The following MKI67 variants were observed in gnomAD, a reference collection of about 807,000 sequenced individuals.
The protein encoded by MKI67 is marker of proliferation Ki-67.
A neutral mutation model predicts 233.5 loss-of-function variants in MKI67; 152 were observed. The ratio of observed to expected loss-of-function variants is 0.65; its 90% confidence interval spans 0.57 to 0.74. MKI67 has a LOEUF of 0.74. Among genes scored for constraint, MKI67 ranks in the 30% least tolerant of loss-of-function variants. The pLI, the probability that MKI67 is intolerant of heterozygous loss-of-function variation, is 0.00. For synonymous variants in MKI67, 1,465 were observed against 1,418.5 expected (o/e 1.03, Z -0.74); for missense variants, 3,940 against 3,885.2 (o/e 1.01, Z -0.37).
intron 4 of MKI67, 64 bp downstream of exon 4, chr10:128,122,817 T>G: frequency 1.3e-6 from 1 of 768,042 alleles, no homozygotes; most frequent in Non-Finnish European, 2.1e-6. Flanking sequence ...CAGTTGACTT[T>G]GACACTAGTT....
At chr10:128,100,033 G>A (rs1852302424) in intron 14 of MKI67, among the ~76,000 whole-genome samples, 2 of 152,230 alleles carry the variant, frequency 1.3e-5, no homozygotes, top group South Asian at 4.1e-4. Flanking sequence ...AATTCGGTAA[G>A]CGCCTGGAGC....
Position 128,105,118 on chromosome 10 carries a change from C to A in MKI67, c.6722G>T (p.Arg2241Ile). 1 of 1,613,768 alleles carries A rather than the reference C, an allele frequency of 6.2e-7. No individual in the cohort carries two copies. Among genetic ancestry groups the A allele is most frequent in the Non-Finnish European group, 8.5e-7 (1 of 1,179,972 alleles). The change falls in exon 13 of 15, where the codon AGA becomes ATA. Residue 2241 changes from arginine to isoleucine, a missense_variant. Coordinates refer to ENST00000368654, the MANE Select transcript of MKI67 (RefSeq NM_002417.5). ...TPTIFKPQSK[R>I]SLRKADVEEE... ...CTCTACGTCTGCTTTCCTGAGACTT[C>A]TCTTGGACTGTGGCTTGAAGATTGT...
chr10:128,118,216 T>C (rs1852846499), intron 5 of MKI67, among the ~76,000 whole-genome samples: 1 of 151,974 alleles, frequency 6.6e-6, no homozygotes. Flanking sequence ...GTCAATATGG[T>C]GAAACCCTGT....
chr10:128,116,536 C>G lies in MKI67; in HGVS notation c.355G>C (p.Glu119Gln). The G allele has an allele frequency of 6.2e-7, 1 of 1,613,778 alleles. No individual in the cohort carries two copies. The highest frequency in any genetic ancestry group is 8.5e-7 in the Non-Finnish European group (1 of 1,179,662). The change falls in exon 6 of 15, where the codon GAG (glutamate) becomes CAG (glutamine). Residue 119 changes from glutamate (E) to glutamine (Q), a missense_variant and splice_region_variant. By Grantham distance (29) the Glu-to-Gln change is conservative (BLOSUM62 2). Transcript: ENST00000368654. Reference protein sequence around the residue: ...TEFPRKIREQEPARRVSRSSF... With the variant: ...TEFPRKIREQQPARRVSRSSF... ...GATCTTGAGACACGACGTGCTGGCTCCTGTAAGTTGGGAAAATAAGAACAG... is the reference window on the plus strand; with the variant it reads ...GATCTTGAGACACGACGTGCTGGCTGCTGTAAGTTGGGAAAATAAGAACAG...
chr10:128,120,318 C>T (rs1341564447), intron 4 of MKI67, among the ~76,000 whole-genome samples: 2 of 152,016 alleles, frequency 1.3e-5, no homozygotes, highest in African/African-American at 2.4e-5. Context: ...TGGTGAAACG[C>T]CGTCTCTACT....
Position 128,104,379 on chromosome 10 carries a change from C to A in MKI67, c.7461G>T (p.Val2487=). ...GGGGCTCTTCTTTCATGTCCACTTT[C>A]ACCAGGGGTATCTTGAGCCTTTGCT... ...SSKQRLKIPL[V]KVDMKEEPLA... The change falls in exon 13 of 15, where the codon GTG becomes GTT. Residue 2487 remains valine, a synonymous_variant. Coordinates refer to ENST00000368654, the MANE Select transcript of MKI67 (RefSeq NM_002417.5). 1 of 1,614,164 alleles carries A rather than the reference C, an allele frequency of 6.2e-7. No individual in the cohort carries two copies.
chr10:128,108,212 G>A lies in MKI67; in HGVS notation c.3628C>T (p.Gln1210Ter). The A allele has an allele frequency of 1.2e-6, 2 of 1,612,154 alleles. No homozygotes were observed. ...LAGTLPGSKR[Q>*]LQTPKEKAQA... ...GCCTTTTCCTTAGGAGTCTGTAGCT[G>A]TCTTTTGCTGCCAGGTAAAGTTCCT... Residue 1210 changes from glutamine (Q) to a stop codon, truncating the protein, a stop_gained, in exon 13 of 15, where the codon CAG becomes TAG. Coordinates refer to ENST00000368654, the MANE Select transcript of MKI67 (RefSeq NM_002417.5). LOFTEE classifies it high-confidence loss of function.
Position 128,098,896 on chromosome 10 carries a change from G to A in MKI67, c.*294C>T, listed in dbSNP as rs1422224219. 2.1e-4 allele frequency: 52 copies of A among 251,940 alleles called. No homozygotes were observed. Among genetic ancestry groups the A allele is most frequent in the African/African-American group, 2.2e-5 (1 of 44,740 alleles). 15.6% of individuals were successfully genotyped at this position (251,940 alleles called of 1,614,324 possible). ...AGTGTCACAGTTAAGGCTGCTGTAG[G>A]GTGGCTGTGGGTGGTGACAGACCTC... is the stretch of plus-strand genomic sequence containing the variant. On this transcript the variant is annotated 3_prime_UTR_variant, in exon 15 of 15. Transcript: ENST00000368654.
At chr10:128,113,374 T>C in intron 8 of MKI67, 53 bp downstream of exon 8, 1 of 1,554,744 alleles carries the variant, frequency 6.4e-7, no homozygotes, top group Non-Finnish European at 8.9e-7. Context: ...AAGGAATAGG[T>C]ACCCGGTGTG....
rs1365474214 is a variant in MKI67, at chr10:128,107,412, T to C, written c.4428A>G (p.Thr1476=). ...DLAGLKELFQ[T]PVCTDKPTTH... ...TCGTGGGCTTGTCAGTGCATACTGGTGTCTGGAAGAGCTCTTTCAAGCCAG... is the reference window on the plus strand; with the variant it reads ...TCGTGGGCTTGTCAGTGCATACTGGCGTCTGGAAGAGCTCTTTCAAGCCAG... Residue 1476 remains threonine, a synonymous_variant, in exon 13 of 15, where the codon ACA becomes ACG. Coordinates refer to ENST00000368654, the MANE Select transcript of MKI67 (RefSeq NM_002417.5). 1 of 1,614,030 alleles carries C rather than the reference T, an allele frequency of 6.2e-7. No individual in the cohort carries two copies. The highest frequency in any genetic ancestry group is 1.1e-5 in the South Asian group (1 of 91,082).
At position 128,111,626 on chromosome 10, in the gene MKI67, T is replaced by C; in HGVS notation, c.2260+19A>G. The stretch of plus-strand genomic sequence containing the variant: ...CAGTAGAGTCAAAAGATTTATAAGA[T>C]CTAAGACTACGTTTTTACCTGAAAG... On this transcript the variant is annotated intron_variant, in intron 11 of 14. Coordinates refer to ENST00000368654, the MANE Select transcript of MKI67 (RefSeq NM_002417.5). The C allele has an allele frequency of 6.2e-7, 1 of 1,600,892 alleles. No homozygotes were observed. The highest frequency in any genetic ancestry group is 8.5e-7 in the Non-Finnish European group (1 of 1,173,440).
chr10:128,123,189 GT>G lies in MKI67; in HGVS notation c.93-21del, dbSNP rs763026097. On this transcript the variant is annotated intron_variant, in intron 2 of 14. Transcript: ENST00000368654. ...ATACCCCTTCATGCAAAAGAAGAAG[GT>G]TTTTTTGGTTGCTGCAACTTTTTAA... The G allele has an allele frequency of 3.8e-6, 6 of 1,573,876 alleles. No individual in the cohort carries two copies. Among genetic ancestry groups the G allele is most frequent in the Non-Finnish European group, 5.2e-6 (6 of 1,146,642 alleles).
In MKI67 at chr10:128,105,579, G is replaced by T. The variant is rs779319031; in HGVS notation, c.6261C>A (p.Asp2087Glu). 1.9e-6 allele frequency: 3 copies of T among 1,613,146 alleles called. No individual in the cohort carries two copies. The highest frequency in any genetic ancestry group is 1.3e-5 in the African/African-American group (1 of 74,590). ...CATCAGTTGTTGATTCCTCAGTGTG[G>T]TCTGGTGTCTGGAAGAGCTCTTTGA... ...AGFKELFQTP[D>E]HTEESTTDDK... The change falls in exon 13 of 15, where the codon GAC (aspartate) becomes GAA (glutamate). Residue 2087 changes from aspartate (D) to glutamate (E), a missense_variant. Coordinates refer to ENST00000368654, the MANE Select transcript of MKI67 (RefSeq NM_002417.5).
Position 128,103,938 on chromosome 10 carries a change from T to G in MKI67, c.7902A>C (p.Lys2634Asn). ...TGCCCTCATCACCGCTTGCTGGTTC[T>G]TTGTGTGTGTGTGTGCTTTGCCCTG... Reference protein sequence around the residue: ...QTSGQSTHTHKEPASGDEGIK... With the variant: ...QTSGQSTHTHNEPASGDEGIK... Residue 2634 changes from lysine (K) to asparagine (N), a missense_variant, in exon 13 of 15, where the codon AAA (lysine) becomes AAC (asparagine). Lys to Asn is a moderately conservative substitution (Grantham distance 94). Transcript: ENST00000368654. 6.2e-7 allele frequency: 1 copy of G among 1,614,144 alleles called. No homozygotes were observed. Among genetic ancestry groups the G allele is most frequent in the Non-Finnish European group, 8.5e-7 (1 of 1,180,026 alleles).
At chr10:128,121,510 G>A (rs1852942540) in intron 4 of MKI67, among the ~76,000 whole-genome samples, 1 of 86,124 alleles carries the variant, frequency 1.2e-5, no homozygotes, top group South Asian at 3.7e-4. Context: ...ATAACATATA[G>A]TATATACTAT....
chr10:128,122,732 C>T, intron 4 of MKI67, 149 bp downstream of exon 4: 1 of 480,090 alleles, frequency 2.1e-6, no homozygotes, highest in East Asian at 3.1e-5. Flanking sequence ...AGATCCATAT[C>T]CTTTTAAATT....
In MKI67 at chr10:128,108,916, A is replaced by G. The variant is rs1305707619; in HGVS notation, c.2924T>C (p.Leu975Pro). The G allele has an allele frequency of 3.7e-6, 6 of 1,613,998 alleles. No homozygotes were observed. Among genetic ancestry groups the G allele is most frequent in the Non-Finnish European group, 5.1e-6 (6 of 1,180,044 alleles). ...CTGGCCACGTGCCGTGTCTTTCATG[A>G]GTTCTGTATCAGGCAAGCTCTTGAG... ...TDLKSLPDTE[L>P]MKDTARGQNL... Residue 975 changes from leucine to proline, a missense_variant, in exon 13 of 15, where the codon CTC (leucine) becomes CCC (proline). By Grantham distance (98) the Leu-to-Pro change is moderately conservative (BLOSUM62 -3). Coordinates refer to ENST00000368654, the MANE Select transcript of MKI67 (RefSeq NM_002417.5).
rs201232398 is a variant in MKI67 at position 128,108,403 on chromosome 10, C to A, written c.3437G>T (p.Trp1146Leu). 269 of 1,613,950 alleles carry A rather than the reference C, an allele frequency of 1.7e-4. 4 individuals carry two copies. The highest frequency in any genetic ancestry group is 5.8e-5 in the Non-Finnish European group (68 of 1,180,020). The change falls in exon 13 of 15, where the codon TGG becomes TTG. Residue 1146 changes from tryptophan (W) to leucine (L), a missense_variant. Transcript: ENST00000368654. The stretch of plus-strand genomic sequence containing the variant: ...TGCTTTCCTGAGACTTCTCTTAGGC[C>A]ATTGCTTTGTGCTTGTTGGAGTGTC... ...SVDTPTSTKQ[W>L]PKRSLRKADV...
At chr10:128,114,171 G>A (rs1468437900) in intron 7 of MKI67, among the ~76,000 whole-genome samples, 3 of 152,150 alleles carry the variant, frequency 2.0e-5, no homozygotes, top group Non-Finnish European at 4.4e-5. Flanking sequence ...ATGCCCCACC[G>A]CTATAGGCCA....
Sources: allele counts gnomAD v4.1 joint callset (sites outside exome capture counted in the v4.1 genomes callset), GRCh38; gene constraint gnomAD v4.1.1; transcripts MANE v1.5; gene names NCBI Gene and HGNC (gene_info 2026-07-23, HGNC 2026-07-21).